KIAA1217: variants seen among roughly 807,000 people sequenced by gnomAD.
KIAA1217 encodes sickle tail protein homolog.
KIAA1217 carries 88 observed loss-of-function variants against 163.9 expected under a neutral mutation model. That is an observed-to-expected ratio of 0.54 (90% CI 0.45 to 0.64). The LOEUF is 0.64. Among genes scored for constraint, KIAA1217 ranks in the 30% least tolerant of loss-of-function variants. The probability of loss-of-function intolerance (pLI) is 0.00; values close to 1 mark genes in which losing one functional copy is unlikely to be tolerated. For missense variants in KIAA1217, 2,372 were observed against 2,475.0 expected, an observed-to-expected ratio of 0.96 and a Z score of 0.88; for synonymous variants, 903 against 923.1, an observed-to-expected ratio of 0.98 and a Z score of 0.39.
chr10:24,002,810 C>G (rs1350055219), intron 1 of KIAA1217, among the ~76,000 whole-genome samples: 2 of 152,138 alleles, frequency 1.3e-5, no homozygotes, highest in African/African-American at 2.4e-5. Flanking sequence ...CCCTCACACC[C>G]TTCCCCTTGA....
chr10:24,069,236 T>C (rs549489876), intron 2 of KIAA1217, among the ~76,000 whole-genome samples: 2 of 152,310 alleles, frequency 1.3e-5, no homozygotes, highest in Admixed American at 6.5e-5. Flanking sequence ...GCCAGTCCTT[T>C]AGGTAGCACC....
At chr10:24,270,140 C>A (rs1360138600) in intron 2 of KIAA1217, among the ~76,000 whole-genome samples, 1 of 152,224 alleles carries the variant, frequency 6.6e-6, no homozygotes, top group African/African-American at 2.4e-5. Context: ...TTAATATATT[C>A]TTTGATTTTT....
intron 2 of KIAA1217, chr10:24,042,477 A>G (rs1382061711): frequency 6.6e-6 from 1 of 152,206 alleles, no homozygotes; most frequent in Non-Finnish European, 1.5e-5. Context: ...TGCACAGCGG[A>G]AAGCTACACC....
intron 2 of KIAA1217, among the ~76,000 whole-genome samples, chr10:24,066,530 T>G (rs899699327): frequency 6.6e-6 from 1 of 152,222 alleles, no homozygotes; most frequent in Non-Finnish European, 1.5e-5. Flanking sequence ...TCTGATGGGT[T>G]TCCCTTTGTG....
chr10:23,771,659 C>T (rs1834800031), intron 1 of KIAA1217, among the ~76,000 whole-genome samples: 1 of 151,932 alleles, frequency 6.6e-6, no homozygotes, highest in South Asian at 2.1e-4. Context: ...AGCTTTCTTT[C>T]ATCTTGTGGC....
chr10:23,962,646 C>G (rs944314004), intron 1 of KIAA1217, among the ~76,000 whole-genome samples: 2 of 152,178 alleles, frequency 1.3e-5, no homozygotes, highest in Admixed American at 1.3e-4. Flanking sequence ...GTATCCCACC[C>G]AAGGAGTACA....
chr10:24,081,446 G>T (rs990972978), intron 2 of KIAA1217, among the ~76,000 whole-genome samples: 2 of 152,230 alleles, frequency 1.3e-5, no homozygotes, highest in Admixed American at 1.3e-4. Flanking sequence ...ACCTGACCCT[G>T]GGATGGCACC....
intron 2 of KIAA1217, among the ~76,000 whole-genome samples, chr10:24,240,273 C>T (rs2072905111): frequency 6.6e-6 from 1 of 152,180 alleles, no homozygotes; most frequent in East Asian, 1.9e-4. Flanking sequence ...CCTATTGTTT[C>T]TTCCACACAG....
intron 1 of KIAA1217, among the ~76,000 whole-genome samples, chr10:23,875,667 T>C (rs1279709856): frequency 6.6e-6 from 1 of 152,064 alleles, no homozygotes; most frequent in East Asian, 1.9e-4. Context: ...ATTGCAGCAC[T>C]ATTCACAATA....
chr10:24,477,276 T>TC (rs2064150426), intron 6 of KIAA1217, among the ~76,000 whole-genome samples: 1 of 152,230 alleles, frequency 6.6e-6, no homozygotes, highest in Non-Finnish European at 1.5e-5. Flanking sequence ...GTGGTTTCTA[T>TC]ACATTATATG....
intron 2 of KIAA1217, among the ~76,000 whole-genome samples, chr10:24,022,327 T>C (rs566169746): frequency 1.3e-5 from 2 of 151,806 alleles, no homozygotes; most frequent in African/African-American, 4.8e-5. Context: ...AAAGAAGATA[T>C]ACAGATGGGA....
Position 24,495,142 on chromosome 10 carries a change from T to C in KIAA1217, c.1785-5T>C. The C allele has an allele frequency of 1.2e-6, 2 of 1,611,804 alleles. No homozygotes were observed. Among genetic ancestry groups the C allele is most frequent in the East Asian group, 2.2e-5 (1 of 44,838 alleles). On this transcript the variant is annotated splice_region_variant and splice_polypyrimidine_tract_variant and intron_variant, in intron 7 of 20. Transcript: ENST00000376454. ...CATAGCTGACTCTCTTTTTCTTTTATTCAGCGAGAAAATGATGAAAACCAC... is the reference window on the plus strand; with the variant it reads ...CATAGCTGACTCTCTTTTTCTTTTACTCAGCGAGAAAATGATGAAAACCAC...
intron 1 of KIAA1217, among the ~76,000 whole-genome samples, chr10:23,985,304 G>A (rs912062906): frequency 1.3e-5 from 2 of 152,124 alleles, no homozygotes; most frequent in South Asian, 2.1e-4. Context: ...AACTCTACAT[G>A]TCCTAGAATT....
chr10:24,427,151 G>A (rs983265976), intron 3 of KIAA1217, among the ~76,000 whole-genome samples: 1 of 152,104 alleles, frequency 6.6e-6, no homozygotes, highest in Non-Finnish European at 1.5e-5. Flanking sequence ...AGCATTGCAA[G>A]GTTCATATCG....
intron 2 of KIAA1217, among the ~76,000 whole-genome samples, chr10:24,115,743 T>C (rs955564099): frequency 3.9e-5 from 6 of 152,200 alleles, no homozygotes; most frequent in Non-Finnish European, 8.8e-5. Context: ...TGCTTTTGCA[T>C]GGCGCCACCA....
intron 1 of KIAA1217, among the ~76,000 whole-genome samples, chr10:24,006,237 T>C (rs1846991571): frequency 6.6e-6 from 1 of 152,218 alleles, no homozygotes; most frequent in Admixed American, 6.5e-5. Flanking sequence ...TATGTGTTAA[T>C]TGAGGCATAG....
intron 9 of KIAA1217, among the ~76,000 whole-genome samples, chr10:24,505,941 C>T (rs184507315): frequency 4.1e-4 from 62 of 152,056 alleles, no homozygotes; most frequent in African/African-American, 1.4e-3. Context: ...ACAATGGTCA[C>T]GGGAATGCGG....
intron 1 of KIAA1217, among the ~76,000 whole-genome samples, chr10:24,003,908 C>G (rs1230334983): frequency 6.6e-6 from 1 of 152,226 alleles, no homozygotes; most frequent in African/African-American, 2.4e-5. Context: ...AATAAACCCT[C>G]TCTTCCAAAG....
At chr10:24,415,324 A>T (rs1214441324) in intron 3 of KIAA1217, among the ~76,000 whole-genome samples, 1 of 151,908 alleles carries the variant, frequency 6.6e-6, no homozygotes, top group Admixed American at 6.6e-5. Context: ...CTTGTTGGCC[A>T]GGCTGGTCTC....
Sources: gnomAD v4.1 joint callset for allele counts (sites outside exome capture counted in the v4.1 genomes callset) on GRCh38, gnomAD v4.1.1 for gene constraint, MANE v1.5 for transcripts, NCBI Gene and HGNC (gene_info 2026-07-23, HGNC 2026-07-21) for gene names.